The following STK3 variants were observed in gnomAD, a reference collection of about 807,000 sequenced individuals.
The protein encoded by STK3 is serine/threonine-protein kinase 3.
In STK3, 41 loss-of-function variants were observed where a neutral mutation model predicts 58.0. That is an observed-to-expected ratio of 0.71 (90% CI 0.55 to 0.92). STK3 has a LOEUF of 0.92. STK3 is among the 40% of genes least tolerant of loss of function. The pLI, the probability that STK3 is intolerant of heterozygous loss-of-function variation, is 0.00. For synonymous variants in STK3, 170 were observed against 191.0 expected, an observed-to-expected ratio of 0.89 and a Z score of 0.91; for missense variants, 479 against 602.7, an observed-to-expected ratio of 0.79 and a Z score of 2.15.
chr8:98,928,913 A>G (rs1839907318), intron 1 of STK3, among the ~76,000 whole-genome samples: 4 of 152,238 alleles, frequency 2.6e-5, no homozygotes, highest in Admixed American at 1.3e-4. Flanking sequence ...AGCTCCAATC[A>G]ATATTCCCAC....
chr8:98,395,971 G>A (rs77072242), intron 3 of STK3, among the ~76,000 whole-genome samples: 4,873 of 152,274 alleles, frequency 0.032, 123 homozygotes, highest in South Asian at 0.062. Context: ...TGACACCACT[G>A]AATTTTTTTG....
intron 1 of STK3, among the ~76,000 whole-genome samples, chr8:98,818,550 G>A (rs1459782464): frequency 2.6e-5 from 4 of 151,240 alleles, no homozygotes; most frequent in African/African-American, 9.8e-5. Flanking sequence ...GTGTGTGTGT[G>A]TGTGTGTGTG....
chr8:98,724,141 G>A (rs1208990792), intron 4 of STK3, among the ~76,000 whole-genome samples: 1 of 152,166 alleles, frequency 6.6e-6, no homozygotes, highest in Non-Finnish European at 1.5e-5. Flanking sequence ...AGCGATGCCT[G>A]CAACAACAGG....
rs114398701 is a variant in STK3, at chr8:98,578,011, T to C, written c.948+1653A>G. On this transcript the variant is annotated intron_variant, in intron 8 of 10. Transcript: ENST00000419617. ...TTAAGCTCAGCGAAGGAAAGAAAAA[T>C]AGTGAAGAAAGAGACCCCCAAAGGG... Among the ~76,000 whole-genome samples the C allele has an allele frequency of 4.4e-3, 662 of 150,892 alleles. 5 individuals are homozygous for C. The highest frequency in any genetic ancestry group is 0.014 in the African/African-American group (596 of 41,152).
chr8:98,539,108 C>A (rs573533747), intron 9 of STK3, among the ~76,000 whole-genome samples: 1 of 152,304 alleles, frequency 6.6e-6, no homozygotes, highest in South Asian at 2.1e-4. Flanking sequence ...AGTTCCCCTA[C>A]ACATTCTCCT....
At position 98,497,856 on chromosome 8, in the gene STK3, T is replaced by C. The variant is rs6998166; in HGVS notation, c.1317+28886A>G. 4.5e-3 allele frequency among the ~76,000 whole-genome samples: 680 copies of C among 152,258 alleles called. 9 individuals are homozygous for C. Among genetic ancestry groups the C allele is most frequent in the African/African-American group, 0.016 (645 of 41,562 alleles). Reference sequence around the variant, plus strand: ...ATACACTGCTGACAGGAATGTAAAATGGTGCAGTCACTTTGAAAAACAACC... The same window carrying C: ...ATACACTGCTGACAGGAATGTAAAACGGTGCAGTCACTTTGAAAAACAACC... On this transcript the variant is annotated intron_variant, in intron 10 of 10. Transcript: ENST00000419617.
intron 4 of STK3, among the ~76,000 whole-genome samples, chr8:98,747,417 G>A (rs1011418798): frequency 1.3e-5 from 2 of 152,082 alleles, no homozygotes; most frequent in South Asian, 4.1e-4. Flanking sequence ...TTACTAGAGT[G>A]AGTTTTACAC....
chr8:98,882,901 C>G (rs1041777730), downstream of STK3: 1 of 152,174 alleles, frequency 6.6e-6, no homozygotes, highest in Non-Finnish European at 1.5e-5. Flanking sequence ...GTTTTACTCT[C>G]AGAAATAAGG....
chr8:98,707,481 C>A (rs1248255577), intron 4 of STK3, among the ~76,000 whole-genome samples, 170 bp from the exon 5 acceptor site: 8 of 152,072 alleles, frequency 5.3e-5, no homozygotes, highest in Admixed American at 5.2e-4. Flanking sequence ...TAGCTCACTG[C>A]AGCCTAAAAT....
chr8:98,617,697 A>C (rs1332533925), intron 6 of STK3, among the ~76,000 whole-genome samples: 29 of 151,756 alleles, frequency 1.9e-4, no homozygotes, highest in Non-Finnish European at 2.9e-4. Context: ...CTATGCAAAT[A>C]AACTAGAAAA....
At chr8:98,347,227 C>T in the STK3 span, among the ~76,000 whole-genome samples, 917 of 151,844 alleles carry the variant, frequency 6.0e-3, 12 homozygotes, top group Middle Eastern at 0.048. Context: ...AAAAAACCAG[C>T]GTATTGGCCG....
intron 1 of STK3, chr8:98,437,679 T>C (rs1349718604): frequency 1.3e-5 from 2 of 152,234 alleles, no homozygotes; most frequent in East Asian, 3.8e-4. Context: ...TGACTCACTT[T>C]TGATCTGTCA....
At chr8:98,803,606 A>AC (rs1833723997) in intron 1 of STK3, among the ~76,000 whole-genome samples, 2 of 129,768 alleles carry the variant, frequency 1.5e-5, no homozygotes, top group African/African-American at 6.6e-5. Context: ...AAAAAAAAAA[A>AC]AAGAAAAAAA....
chr8:98,788,026 T>A (rs547302147), intron 1 of STK3, among the ~76,000 whole-genome samples: 101 of 151,880 alleles, frequency 6.6e-4, no homozygotes, highest in African/African-American at 2.3e-3. Context: ...AAATACAATT[T>A]AAAAAACAAA....
At chr8:98,649,508 A>C (rs1416308111) in intron 6 of STK3, among the ~76,000 whole-genome samples, 1 of 152,306 alleles carries the variant, frequency 6.6e-6, no homozygotes, top group Admixed American at 6.5e-5. Context: ...TAAGAGACCA[A>C]AGATTCAATT....
intron 2 of STK3, among the ~76,000 whole-genome samples, chr8:98,769,109 A>C (rs1197295309): frequency 1.3e-5 from 2 of 152,224 alleles, no homozygotes; most frequent in Non-Finnish European, 2.9e-5. Context: ...TAAATTCTTC[A>C]TATCTATAGA....
chr8:98,481,239 G>A (rs1410553714), intron 10 of STK3, among the ~76,000 whole-genome samples: 1 of 151,732 alleles, frequency 6.6e-6, no homozygotes, highest in Non-Finnish European at 1.5e-5. Flanking sequence ...AGGAAAAAAT[G>A]TTCAATGAAT....
At chr8:98,515,166 G>C (rs16892238) in intron 10 of STK3, among the ~76,000 whole-genome samples, 1,660 of 152,128 alleles carry the variant, frequency 0.011, 25 homozygotes, top group African/African-American at 0.037. Context: ...AGGGTCTCCA[G>C]TTCCTCTCTA....
chr8:98,670,866 T>G lies in STK3; in HGVS notation c.684+35601A>C, dbSNP rs530693570. ...CTCTGTCCTCATCACCCTTCAATTG[T>G]CAGTGAGACCTCATTCTTCTTGGAC... On this transcript the variant is annotated intron_variant, in intron 6 of 10. Coordinates refer to ENST00000419617, the MANE Select transcript of STK3 (RefSeq NM_006281.4). 1.3e-5 allele frequency among the ~76,000 whole-genome samples: 2 copies of G among 152,264 alleles called. 1 individual carries two copies. Among genetic ancestry groups the G allele is most frequent in the South Asian group, 4.1e-4 (2 of 4,822 alleles).
Sources: allele counts gnomAD v4.1 joint callset (sites outside exome capture counted in the v4.1 genomes callset), GRCh38; gene constraint gnomAD v4.1.1; transcripts MANE v1.5; gene names NCBI Gene and HGNC (gene_info 2026-07-23, HGNC 2026-07-21).